TNNI3K: variants seen among roughly 807,000 people sequenced by gnomAD.
The protein encoded by TNNI3K is serine/threonine-protein kinase TNNI3K.
A neutral mutation model predicts 114.5 loss-of-function variants in TNNI3K; 140 were observed. The observed-to-expected ratio is 1.22, with a 90% CI of 1.07 to 1.41. The LOEUF (loss-of-function observed/expected upper bound fraction) is 1.41, where lower values mean the gene tolerates loss of function less well. Ranked by LOEUF, TNNI3K falls within the 40% of genes most tolerant of loss-of-function variation. The pLI is 0.00. For missense variants in TNNI3K, 1,125 were observed against 1,007.6 expected (o/e 1.12, Z -1.58); for synonymous variants, 347 against 347.5 (o/e 1.00, Z 0.02).
chr1:74,481,289 C>A (rs1668487747), intron 21 of TNNI3K, among the ~76,000 whole-genome samples: 1 of 152,130 alleles, frequency 6.6e-6, no homozygotes, highest in Admixed American at 6.5e-5. Context: ...GGTGTCTTTT[C>A]AGGCCCTCCC....
chr1:74,353,451 G>T (rs1038156477), intron 10 of TNNI3K, 91 bp downstream of exon 10: 25 of 1,359,392 alleles, frequency 1.8e-5, no homozygotes, highest in Middle Eastern at 1.8e-4. Context: ...CATTGGGAGT[G>T]CTCAACTCCA....
intron 23 of TNNI3K, among the ~76,000 whole-genome samples, chr1:74,515,517 A>T (rs528990615): frequency 3.9e-5 from 6 of 152,170 alleles, no homozygotes; most frequent in Non-Finnish European, 8.8e-5. Flanking sequence ...AGTTTCTCTG[A>T]TGGTTGCTGT....
chr1:74,475,699 G>T (rs1412253743), intron 21 of TNNI3K: 4 of 707,022 alleles, frequency 5.7e-6, no homozygotes, highest in South Asian at 4.5e-5. Flanking sequence ...AGCACACAGG[G>T]GTTCATCGAA....
rs144335854 is a variant in TNNI3K at position 74,254,610 on chromosome 1, C to T, written c.333+3841C>T. On this transcript the variant is annotated intron_variant, in intron 4 of 24. Transcript: ENST00000326637. ...CACAAAATGAATAATGTAACTCTCC[C>T]ATCCTTTTGTTCACTACATCAAATA... Among the ~76,000 whole-genome samples, 163 of 152,188 alleles carry T rather than the reference C, an allele frequency of 1.1e-3. 2 individuals carry two copies. In the East Asian group the frequency reaches 0.028, roughly 26 times the overall value.
intron 8 of TNNI3K, 26 bp downstream of exon 8, chr1:74,343,012 G>A (rs769822285): frequency 1.9e-6 from 3 of 1,613,602 alleles, no homozygotes; most frequent in African/African-American, 2.7e-5. Context: ...CATTCCATAG[G>A]TTCTCCAGGT....
intron 17 of TNNI3K, chr1:74,374,803 C>G (rs1662821459): frequency 6.6e-6 from 1 of 151,954 alleles, no homozygotes; most frequent in African/African-American, 2.4e-5. Context: ...CACCTACCAA[C>G]TTATATTTGG....
At chr1:74,343,343 A>T (rs1660844407) in intron 9 of TNNI3K, among the ~76,000 whole-genome samples, 164 bp downstream of exon 9, 1 of 152,218 alleles carries the variant, frequency 6.6e-6, no homozygotes, top group Non-Finnish European at 1.5e-5. Context: ...TGCATGGAAG[A>T]AAAGGTGGAG....
intron 5 of TNNI3K, among the ~76,000 whole-genome samples, chr1:74,308,222 T>C (rs1307202028): frequency 6.6e-6 from 1 of 152,082 alleles, no homozygotes; most frequent in Non-Finnish European, 1.5e-5. Flanking sequence ...CATTCTCCTC[T>C]GCACAGGGAA....
rs374194164 is a variant in TNNI3K, at chr1:74,265,497, G to A, written c.334-6101G>A. Among the ~76,000 whole-genome samples, 393 of 152,010 alleles carry A rather than the reference G, an allele frequency of 2.6e-3. 3 individuals are homozygous for A. Among genetic ancestry groups the A allele is most frequent in the South Asian group, 0.025 (120 of 4,814 alleles). On this transcript the variant is annotated intron_variant, in intron 4 of 24. Transcript: ENST00000326637. The stretch of plus-strand genomic sequence containing the variant: ...AGTGGGTCCTGAAATAACTGAGAAA[G>A]CTGCCAGTGAACTACCATCCTGCCA...
In TNNI3K at chr1:74,235,423, C is replaced by T. The variant is rs41289180; in HGVS notation, c.-29C>T. The T allele has an allele frequency of 9.5e-3, 14,159 of 1,483,458 alleles. 97 individuals carry two copies. Among genetic ancestry groups the T allele is most frequent in the Non-Finnish European group, 0.011 (11,779 of 1,083,156 alleles). 91.9% of individuals were successfully genotyped at this position (1,483,458 alleles called of 1,614,324 possible). ...TGGAATCTTATAACTTGAAGAACTGCCCTGGAGAAAGGAAGAAACTTATAA... is the reference window on the plus strand; with the variant it reads ...TGGAATCTTATAACTTGAAGAACTGTCCTGGAGAAAGGAAGAAACTTATAA... On this transcript the variant is annotated 5_prime_UTR_variant, in exon 1 of 25. Coordinates refer to ENST00000326637, the MANE Select transcript of TNNI3K (RefSeq NM_015978.3).
chr1:74,354,581 C>T (rs1326252869), intron 11 of TNNI3K, among the ~76,000 whole-genome samples: 1 of 151,998 alleles, frequency 6.6e-6, no homozygotes, highest in African/African-American at 2.4e-5. Flanking sequence ...CAAGTGTAAA[C>T]TTATTTGAAT....
chr1:74,262,861 T>A (rs1241948207), intron 4 of TNNI3K, among the ~76,000 whole-genome samples: 2 of 152,134 alleles, frequency 1.3e-5, no homozygotes, highest in African/African-American at 4.8e-5. Context: ...AAACCTTCCC[T>A]GATCCCTCCC....
chr1:74,325,569 G>A lies in TNNI3K; in HGVS notation c.445-5881G>A, dbSNP rs77838008. Among the ~76,000 whole-genome samples the A allele has an allele frequency of 6.1e-3, 925 of 152,248 alleles. 11 individuals carry two copies. Among genetic ancestry groups the A allele is most frequent in the African/African-American group, 0.021 (882 of 41,542 alleles). ...CGTAAAATTATAAGAATCCACTACA[G>A]GCTAAAAAGCATCCATGAGAATGGG... On this transcript the variant is annotated intron_variant, in intron 5 of 24. Transcript: ENST00000326637.
At chr1:74,242,322 C>T (rs1320346290) in intron 2 of TNNI3K, among the ~76,000 whole-genome samples, 1 of 152,100 alleles carries the variant, frequency 6.6e-6, no homozygotes, top group African/African-American at 2.4e-5. Context: ...TAAATAGTCA[C>T]AATGTATAGA....
chr1:74,531,568 A>T (rs1227242366), intron 23 of TNNI3K, among the ~76,000 whole-genome samples: 2 of 152,198 alleles, frequency 1.3e-5, no homozygotes, highest in Non-Finnish European at 2.9e-5. Flanking sequence ...TTTCAGCTAA[A>T]TGCCAAAAGG....
At chr1:74,300,743 G>T (rs1658274858) in intron 5 of TNNI3K, among the ~76,000 whole-genome samples, 1 of 152,156 alleles carries the variant, frequency 6.6e-6, no homozygotes, top group African/African-American at 2.4e-5. Context: ...TACACTGACT[G>T]GTTAAAAGTG....
chr1:74,282,151 A>G (rs1229153632), intron 5 of TNNI3K, among the ~76,000 whole-genome samples: 2 of 152,000 alleles, frequency 1.3e-5, no homozygotes, highest in African/African-American at 2.4e-5. Context: ...AGTGAAATGT[A>G]TCTCACTGTA....
At chr1:74,307,831 C>T (rs1045888581) in intron 5 of TNNI3K, among the ~76,000 whole-genome samples, 3 of 151,928 alleles carry the variant, frequency 2.0e-5, no homozygotes, top group East Asian at 1.9e-4. Context: ...GCCTTGGTAG[C>T]ACATGCCTGT....
rs1389658965 is a variant in TNNI3K at position 74,470,670 on chromosome 1, A to G, written c.2121+7120A>G. ...CATTTTCTTCCTTATCCATAATACA[A>G]TTTTCCACAATTTGATGTGATATTT... On this transcript the variant is annotated intron_variant, in intron 21 of 24. Coordinates refer to ENST00000326637, the MANE Select transcript of TNNI3K (RefSeq NM_015978.3). 1.2e-5 allele frequency: 5 copies of G among 400,336 alleles called. No homozygotes were observed. In the East Asian group the frequency reaches 1.4e-4, roughly 11 times the overall value. 24.8% of individuals were successfully genotyped at this position (400,336 alleles called of 1,614,324 possible). A position where few individuals can be genotyped will look rare whatever the true frequency, so the allele number is the denominator to read the frequency against.
Sources: gnomAD v4.1 joint callset for allele counts (sites outside exome capture counted in the v4.1 genomes callset) on GRCh38, gnomAD v4.1.1 for gene constraint, MANE v1.5 for transcripts, NCBI Gene and HGNC (gene_info 2026-07-23, HGNC 2026-07-21) for gene names.